The following ABTB3 variants were observed in gnomAD, a reference collection of about 807,000 sequenced individuals.
The protein encoded by ABTB3 is ankyrin repeat and BTB domain containing 3.
chr12:107,324,041 T>G, the ABTB3 span, among the ~76,000 whole-genome samples: 3 of 152,182 alleles, frequency 2.0e-5, no homozygotes, highest in East Asian at 5.8e-4. Flanking sequence ...TGTCCTCCAG[T>G]TTCCTCAGCT....
At chr12:107,328,384 GTTATCT>G in the ABTB3 span, among the ~76,000 whole-genome samples, 1 of 152,132 alleles carries the variant, frequency 6.6e-6, no homozygotes, top group Admixed American at 6.6e-5. Context: ...CTTAATAACT[GTTATCT>G]TTATCTTTAT....
chr12:107,459,658 G>T, the ABTB3 span, among the ~76,000 whole-genome samples: 1 of 152,244 alleles, frequency 6.6e-6, no homozygotes, highest in Non-Finnish European at 1.5e-5. Context: ...AGATGCAACA[G>T]CCCAGCGGGG....
At chr12:107,445,835 T>G in the ABTB3 span, among the ~76,000 whole-genome samples, 1 of 149,416 alleles carries the variant, frequency 6.7e-6, no homozygotes, top group Non-Finnish European at 1.5e-5. Flanking sequence ...CCTCCATCTT[T>G]AAGGCCAGTA....
At chr12:107,441,582 A>G in the ABTB3 span, among the ~76,000 whole-genome samples, 1 of 152,064 alleles carries the variant, frequency 6.6e-6, no homozygotes, top group Non-Finnish European at 1.5e-5. Flanking sequence ...TGTGGAACAA[A>G]CCTGCACATT....
the ABTB3 span, among the ~76,000 whole-genome samples, chr12:107,496,213 C>T: frequency 6.6e-6 from 1 of 152,192 alleles, no homozygotes; most frequent in Non-Finnish European, 1.5e-5. Context: ...CTGCCTGCAT[C>T]TCACCTCTAA....
the ABTB3 span, among the ~76,000 whole-genome samples, chr12:107,332,158 G>A: frequency 6.6e-6 from 1 of 152,202 alleles, no homozygotes; most frequent in African/African-American, 2.4e-5. Flanking sequence ...CCTGCTGTGT[G>A]ATCTCACGCT....
chr12:107,461,438 T>G, the ABTB3 span, among the ~76,000 whole-genome samples: 1 of 151,974 alleles, frequency 6.6e-6, no homozygotes, highest in Non-Finnish European at 1.5e-5. Context: ...AGCCAAGGAA[T>G]GTCAAGGTTT....
chr12:107,496,664 T>C, the ABTB3 span, among the ~76,000 whole-genome samples: 1 of 152,202 alleles, frequency 6.6e-6, no homozygotes, highest in Non-Finnish European at 1.5e-5. Context: ...ACTGAGCATC[T>C]ACTGCGTGTC....
At chr12:107,560,274 T>A in the ABTB3 span, among the ~76,000 whole-genome samples, 3 of 152,098 alleles carry the variant, frequency 2.0e-5, no homozygotes, top group Non-Finnish European at 4.4e-5. Context: ...AAAACATCAA[T>A]GGAGAGGAAA....
the ABTB3 span, among the ~76,000 whole-genome samples, chr12:107,494,448 C>T: frequency 6.6e-6 from 1 of 152,194 alleles, no homozygotes; most frequent in Admixed American, 6.5e-5. Flanking sequence ...GGACTCCCTT[C>T]ATGAGCTGAC....
At chr12:107,337,631 T>A in the ABTB3 span, among the ~76,000 whole-genome samples, 1 of 152,176 alleles carries the variant, frequency 6.6e-6, no homozygotes, top group African/African-American at 2.4e-5. Context: ...AGTGGGGATG[T>A]AGGGGCTGAG....
chr12:107,416,742 C>T, the ABTB3 span, among the ~76,000 whole-genome samples: 1 of 152,194 alleles, frequency 6.6e-6, no homozygotes, highest in African/African-American at 2.4e-5. Flanking sequence ...GGTCCTACTG[C>T]CTCAGCCTCC....
At chr12:107,439,832 T>G in the ABTB3 span, among the ~76,000 whole-genome samples, 1 of 152,122 alleles carries the variant, frequency 6.6e-6, no homozygotes, top group African/African-American at 2.4e-5. Flanking sequence ...CTTCCTTCAT[T>G]ATTGTTTCTA....
chr12:107,648,859 G>C, the ABTB3 span, among the ~76,000 whole-genome samples: 1 of 150,682 alleles, frequency 6.6e-6, no homozygotes, highest in African/African-American at 2.4e-5. Flanking sequence ...GGAGGTGGGA[G>C]AAGACCCCGT....
At chr12:107,528,763 C>T in the ABTB3 span, among the ~76,000 whole-genome samples, 1 of 152,154 alleles carries the variant, frequency 6.6e-6, no homozygotes, top group Non-Finnish European at 1.5e-5. Context: ...GTTGCTACTG[C>T]TGCTGCCGTT....
the ABTB3 span, among the ~76,000 whole-genome samples, chr12:107,608,541 C>G: frequency 3.3e-5 from 5 of 152,122 alleles, no homozygotes; most frequent in Admixed American, 6.5e-5. Flanking sequence ...TGGCCCTGCT[C>G]AAAGCTTTTC....
chr12:107,345,467 T>TA, the ABTB3 span, among the ~76,000 whole-genome samples: 65,948 of 148,676 alleles, frequency 0.44, 17,595 homozygotes, highest in African/African-American at 0.77. Context: ...TTGCAAGTGA[T>TA]AAAAAAAAAA....
At chr12:107,597,903 G>A in the ABTB3 span, among the ~76,000 whole-genome samples, 1 of 152,134 alleles carries the variant, frequency 6.6e-6, no homozygotes, top group East Asian at 1.9e-4. Context: ...AAGTTTTATT[G>A]GAACACAGCC....
At chr12:107,348,396 T>A in the ABTB3 span, among the ~76,000 whole-genome samples, 1 of 152,132 alleles carries the variant, frequency 6.6e-6, no homozygotes, top group Non-Finnish European at 1.5e-5. Context: ...GACAGTATTC[T>A]AGGTGCTGAG....
Sources: gnomAD v4.1 joint callset for allele counts (sites outside exome capture counted in the v4.1 genomes callset) on GRCh38, gnomAD v4.1.1 for gene constraint, MANE v1.5 for transcripts, NCBI Gene and HGNC (gene_info 2026-07-23, HGNC 2026-07-21) for gene names.